Variants in DMBX1 observed in about 807,000 individuals in gnomAD.
DMBX1 encodes the protein diencephalon/mesencephalon homeobox protein 1.
In DMBX1, 7 loss-of-function variants were observed where a neutral mutation model predicts 30.4. The ratio of observed to expected loss-of-function variants is 0.23; its 90% confidence interval spans 0.13 to 0.43. The LOEUF is 0.43. Ranked by LOEUF, DMBX1 falls within the 20% of genes least tolerant of loss-of-function variation. The pLI is 1.00. For missense variants in DMBX1, 460 were observed against 508.5 expected, an observed-to-expected ratio of 0.90 and a Z score of 0.92; for synonymous variants, 222 against 214.2, an observed-to-expected ratio of 1.04 and a Z score of -0.32.
intron 2 of DMBX1, among the ~76,000 whole-genome samples, chr1:46,492,269 C>A (rs1665944410): frequency 6.6e-6 from 1 of 152,232 alleles, no homozygotes; most frequent in African/African-American, 2.4e-5. Context: ...TCCCTGCACC[C>A]CTGTCCTAGC....
At chr1:46,506,255 A>G in intron 2 of DMBX1, among the ~76,000 whole-genome samples, 1 of 152,168 alleles carries the variant, frequency 6.6e-6, no homozygotes, top group Admixed American at 6.5e-5. Context: ...ACGAGGTTTC[A>G]CTATGTTGGC....
rs1161997137 is a variant in DMBX1 at position 46,514,830 on chromosome 1, G to A, written c.*2336G>A. Reference sequence around the variant, plus strand: ...TCAATGCCCATCACCCTTGATGGGGGTCAGCCTAGGCTGGGGCAGATGGAG... The same window carrying A: ...TCAATGCCCATCACCCTTGATGGGGATCAGCCTAGGCTGGGGCAGATGGAG... On this transcript the variant is annotated 3_prime_UTR_variant, in exon 6 of 6. Transcript: ENST00000360032. Among the ~76,000 whole-genome samples, 1 of 152,168 alleles carries A rather than the reference G, an allele frequency of 6.6e-6. No individual in the cohort carries two copies. The highest frequency in any genetic ancestry group is 1.5e-5 in the Non-Finnish European group (1 of 68,036).
intron 3 of DMBX1, among the ~76,000 whole-genome samples, chr1:46,507,836 A>G (rs1216530955): frequency 6.6e-6 from 1 of 152,178 alleles, no homozygotes. Flanking sequence ...TTTTATAAAA[A>G]GGAGACAATG....
Position 46,491,811 on chromosome 1 carries a change from C to G in DMBX1, c.-13+1028C>G, listed in dbSNP as rs765489025. The stretch of plus-strand genomic sequence containing the variant: ...GGTTCTCCCCTCGAATGGAAAGGCA[C>G]TCTGGCCTAAGGACGAATGAATTTA... On this transcript the variant is annotated intron_variant, in intron 2 of 5. Transcript: ENST00000360032. The surrounding 1 kb of genome is among the most constrained non-coding windows in gnomAD (Gnocchi z 5.5). Among the ~76,000 whole-genome samples the G allele has an allele frequency of 3.3e-5, 5 of 152,198 alleles. No homozygotes were observed. Among genetic ancestry groups the G allele is most frequent in the Non-Finnish European group, 7.3e-5 (5 of 68,046 alleles).
intron 2 of DMBX1, among the ~76,000 whole-genome samples, chr1:46,498,874 C>T (rs1045704672): frequency 5.3e-5 from 8 of 152,106 alleles, no homozygotes; most frequent in African/African-American, 1.9e-4. Flanking sequence ...CAGAGGAGAG[C>T]AGGGGCCTTG....
chr1:46,507,197 G>A (rs1363842879), intron 3 of DMBX1, 33 bp downstream of exon 3: 1 of 1,610,050 alleles, frequency 6.2e-7, no homozygotes, highest in South Asian at 1.1e-5. Flanking sequence ...CATGGGGACA[G>A]GACTGTGGGG....
Position 46,511,068 on chromosome 1 carries a change from A to C in DMBX1, c.467A>C (p.Gln156Pro), listed in dbSNP as rs759720020. 2.2e-5 allele frequency: 35 copies of C among 1,613,974 alleles called. No individual in the cohort carries two copies. Among genetic ancestry groups the C allele is most frequent in the Non-Finnish European group, 2.9e-5 (34 of 1,179,994 alleles). The change falls in exon 5 of 6, where the codon CAG (glutamine) becomes CCG (proline). Residue 156 changes from glutamine (Q) to proline (P), a missense_variant. Gln to Pro is a moderately conservative substitution (Grantham distance 76). Transcript: ENST00000360032. Reference protein sequence around the residue: ...GKAEAPTPDTQLDTEQPPRLP... With the variant: ...GKAEAPTPDTPLDTEQPPRLP... ...GCCGAGGCCCCCACTCCAGATACCC[A>C]GCTGGACACTGAGCAGCCCCCACGT...
rs1666367680 is a variant in DMBX1, at chr1:46,511,344, A to G, written c.682+61A>G. 2.8e-6 allele frequency: 4 copies of G among 1,436,552 alleles called. No individual in the cohort carries two copies. In the African/African-American group the frequency reaches 5.7e-5, roughly 21 times the overall value. 89.0% of individuals were successfully genotyped at this position (1,436,552 alleles called of 1,614,324 possible). ...CTGGGGGCCCTGAGCGTGTGAAGCA[A>G]GTCAGAGGCGAGTAATCAACTGCCC... On this transcript the variant is annotated intron_variant, in intron 5 of 5. Coordinates refer to ENST00000360032, the MANE Select transcript of DMBX1 (RefSeq NM_172225.2).
intron 2 of DMBX1, among the ~76,000 whole-genome samples, chr1:46,500,529 A>C (rs1383063058): frequency 6.6e-6 from 1 of 151,776 alleles, no homozygotes; most frequent in Non-Finnish European, 1.5e-5. Context: ...AAAGACGTGG[A>C]TACCTCCCCC....
rs1557789828 is a variant in DMBX1 at position 46,510,364 on chromosome 1, C to G, written c.155-112C>G. ...TAAGGGTAAGGGACCAGGGCCAGCT[C>G]TGGCAGCAGCCTGGGTGTCCACAGT... is the stretch of plus-strand genomic sequence containing the variant. On this transcript the variant is annotated intron_variant, in intron 3 of 5. Transcript: ENST00000360032. The surrounding 1 kb of genome is among the most constrained non-coding windows in gnomAD (Gnocchi z 4.1). 1 of 1,363,894 alleles carries G rather than the reference C, an allele frequency of 7.3e-7. No homozygotes were observed. Among genetic ancestry groups the G allele is most frequent in the African/African-American group, 1.4e-5 (1 of 69,016 alleles). 84.5% of individuals were successfully genotyped at this position (1,363,894 alleles called of 1,614,324 possible).
At chr1:46,501,012 G>A (rs1260678974) in intron 2 of DMBX1, among the ~76,000 whole-genome samples, 1 of 152,110 alleles carries the variant, frequency 6.6e-6, no homozygotes, top group Non-Finnish European at 1.5e-5. Flanking sequence ...TTTGATGTAA[G>A]GAATAAATAG....
At chr1:46,503,460 T>A (rs1403657220) in intron 2 of DMBX1, among the ~76,000 whole-genome samples, 4 of 152,246 alleles carry the variant, frequency 2.6e-5, no homozygotes, top group African/African-American at 9.6e-5. Context: ...ATGTGTTGGA[T>A]GAATATGTGT....
chr1:46,499,353 C>T (rs1456163850), intron 2 of DMBX1, among the ~76,000 whole-genome samples: 4 of 152,204 alleles, frequency 2.6e-5, no homozygotes, highest in Non-Finnish European at 5.9e-5. Flanking sequence ...CTTTTTCTTG[C>T]TGTCCTCCTA....
rs1666418572 is a variant in DMBX1 at position 46,513,131 on chromosome 1, T to C, written c.*637T>C. 1 of 152,882 alleles carries C rather than the reference T, an allele frequency of 6.5e-6. No homozygotes were observed. The highest frequency in any genetic ancestry group is 1.5e-5 in the Non-Finnish European group (1 of 68,466). 9.5% of individuals were successfully genotyped at this position (152,882 alleles called of 1,614,324 possible). A position where few individuals can be genotyped will look rare whatever the true frequency, so the allele number is the denominator to read the frequency against. ...TCCCGCTGCCCCTGGTTTCTTCCTT[T>C]GGTGTTGGCTGTGTTGGTATCATCA... On this transcript the variant is annotated 3_prime_UTR_variant, in exon 6 of 6. Transcript: ENST00000360032.
chr1:46,491,553 G>A lies in DMBX1; in HGVS notation c.-13+770G>A, dbSNP rs772647693. Reference sequence around the variant, plus strand: ...AGGAAAGGGGCTGTCTGTACCGCAAGGGTTGTGTGCTCCACAGCCGAGGAA... The same window carrying A: ...AGGAAAGGGGCTGTCTGTACCGCAAAGGTTGTGTGCTCCACAGCCGAGGAA... On this transcript the variant is annotated intron_variant, in intron 2 of 5. Coordinates refer to ENST00000360032, the MANE Select transcript of DMBX1 (RefSeq NM_172225.2). The surrounding 1 kb of genome is among the most constrained non-coding windows in gnomAD (Gnocchi z 5.5). 6.6e-6 allele frequency among the ~76,000 whole-genome samples: 1 copy of A among 152,224 alleles called. No individual in the cohort carries two copies. Among genetic ancestry groups the A allele is most frequent in the Non-Finnish European group, 1.5e-5 (1 of 68,036 alleles).
intron 2 of DMBX1, among the ~76,000 whole-genome samples, chr1:46,506,153 GTTCAAGCAATT>G (rs1172575979): frequency 6.6e-6 from 1 of 152,170 alleles, no homozygotes; most frequent in African/African-American, 2.4e-5. Context: ...CGCCTCCCAG[GTTCAAGCAATT>G]ATCCTGCCTC....
Position 46,515,427 on chromosome 1 carries a change from G to A in DMBX1, c.*2933G>A, listed in dbSNP as rs370031962. 9.2e-5 allele frequency among the ~76,000 whole-genome samples: 14 copies of A among 152,334 alleles called. No individual in the cohort carries two copies. The East Asian group carries it at 1.5e-3, about 17-fold the overall frequency. ...GAAGCCTCCCCTGAACTCCTAAGGGGCAATGTTCTGTCATGGCTGGAGGCA... is the reference window on the plus strand; with the variant it reads ...GAAGCCTCCCCTGAACTCCTAAGGGACAATGTTCTGTCATGGCTGGAGGCA... On this transcript the variant is annotated 3_prime_UTR_variant, in exon 6 of 6. Coordinates refer to ENST00000360032, the MANE Select transcript of DMBX1 (RefSeq NM_172225.2).
intron 2 of DMBX1, among the ~76,000 whole-genome samples, chr1:46,506,298 T>A (rs1001235982): frequency 6.6e-6 from 1 of 152,226 alleles, no homozygotes; most frequent in Admixed American, 6.5e-5. Context: ...CCTCAGGTGA[T>A]CCGCCTGCCT....
Position 46,510,774 on chromosome 1 carries a change from G to T in DMBX1, c.333+120G>T. On this transcript the variant is annotated intron_variant, in intron 4 of 5. Transcript: ENST00000360032. This position sits in a 1 kb window ranked among gnomAD's most constrained non-coding sequence, Gnocchi z 4.1. ...AGGTGCAACTGATCTCTCCATCAAA[G>T]CCTTCAGTGATAGGAGGGGAGTTTG... 1 of 1,385,702 alleles carries T rather than the reference G, an allele frequency of 7.2e-7. No individual in the cohort carries two copies. 85.8% of individuals were successfully genotyped at this position (1,385,702 alleles called of 1,614,324 possible). A position where few individuals can be genotyped will look rare whatever the true frequency, so the allele number is the denominator to read the frequency against.
Sources: gnomAD v4.1 joint callset for allele counts (sites outside exome capture counted in the v4.1 genomes callset) on GRCh38, gnomAD v4.1.1 for gene constraint, Gnocchi (gnomAD v3.1) non-coding constraint, MANE v1.5 for transcripts, NCBI Gene and HGNC (gene_info 2026-07-23, HGNC 2026-07-21) for gene names.